SDK2: variants seen among roughly 807,000 people sequenced by gnomAD.
SDK2 encodes protein sidekick-2.
SDK2 carries 105 observed loss-of-function variants against 253.9 expected under a neutral mutation model. The ratio of observed to expected loss-of-function variants is 0.41; its 90% CI spans 0.35 to 0.49. The LOEUF is 0.49. Ranked by LOEUF, SDK2 falls within the 20% of genes least tolerant of loss-of-function variation. The pLI is 0.06. For missense variants in SDK2, 2,608 were observed against 3,003.0 expected (o/e 0.87, Z 3.07); for synonymous variants, 1,249 against 1,234.9 (o/e 1.01, Z -0.24).
chr17:73,359,724 C>A (rs1599482596), intron 39 of SDK2, among the ~76,000 whole-genome samples: 1 of 152,234 alleles, frequency 6.6e-6, no homozygotes, highest in Non-Finnish European at 1.5e-5. Context: ...CAGCTCACTG[C>A]AGCCTCCACC....
rs1209201081 is a variant in SDK2 at position 73,467,599 on chromosome 17, C to A, written c.331+4513G>T. 6.6e-6 allele frequency among the ~76,000 whole-genome samples: 1 copy of A among 152,238 alleles called. No homozygotes were observed. Among genetic ancestry groups the A allele is most frequent in the Middle Eastern group, 3.4e-3 (1 of 294 alleles). Reference sequence around the variant, plus strand: ...CAGCTTCTACAGCTAGAGAGGGAGGCCCCCTGGGATGAGGCCAGTGTGTCC... The same window carrying A: ...CAGCTTCTACAGCTAGAGAGGGAGGACCCCTGGGATGAGGCCAGTGTGTCC... On this transcript the variant is annotated intron_variant, in intron 3 of 44. Coordinates refer to ENST00000392650, the MANE Select transcript of SDK2 (RefSeq NM_001144952.2). The surrounding 1 kb of genome is among the most constrained non-coding windows in gnomAD (Gnocchi z 4.1).
At chr17:73,480,975 G>A (rs933973516) in intron 2 of SDK2, among the ~76,000 whole-genome samples, 11 of 152,232 alleles carry the variant, frequency 7.2e-5, no homozygotes, top group Admixed American at 7.2e-4. Flanking sequence ...GTGAGAGTTG[G>A]TGACAGGCAC....
intron 1 of SDK2, among the ~76,000 whole-genome samples, chr17:73,594,641 A>T (rs115468275): frequency 0.038 from 5,708 of 152,186 alleles, 124 homozygotes; most frequent in African/African-American, 0.055. Context: ...AACACACAGA[A>T]ATACACCCAT....
intron 1 of SDK2, among the ~76,000 whole-genome samples, chr17:73,530,757 G>A (rs761481592): frequency 9.2e-5 from 14 of 152,114 alleles, no homozygotes; most frequent in Admixed American, 2.0e-4. Flanking sequence ...CAAATGTCAC[G>A]GCACCATGTT....
rs573006831 is a variant in SDK2 at position 73,454,989 on chromosome 17, C to T, written c.479+917G>A. On this transcript the variant is annotated intron_variant, in intron 4 of 44. Transcript: ENST00000392650. Reference sequence around the variant, plus strand: ...AAGTGCTGGGATCACAGGTGTGAGCCGCCGCGTCCGGCCTGTGATAGTGAT... The same window carrying T: ...AAGTGCTGGGATCACAGGTGTGAGCTGCCGCGTCCGGCCTGTGATAGTGAT... 3.3e-5 allele frequency among the ~76,000 whole-genome samples: 5 copies of T among 152,254 alleles called. No homozygotes were observed. The South Asian group carries it at 8.3e-4, about 25-fold the overall frequency.
At chr17:73,371,689 G>T (rs952775839) in intron 36 of SDK2, among the ~76,000 whole-genome samples, 2 of 152,152 alleles carry the variant, frequency 1.3e-5, no homozygotes, top group African/African-American at 4.8e-5. Context: ...GCCAGGTGCG[G>T]TGGCTCACAC....
In SDK2 at chr17:73,437,862, C is replaced by G. The variant is rs774632563; in HGVS notation, c.917-40G>C. On this transcript the variant is annotated intron_variant, in intron 7 of 44. Coordinates refer to ENST00000392650, the MANE Select transcript of SDK2 (RefSeq NM_001144952.2). ...ACCAGGGGAGGGGGTCAGAGCCATG[C>G]TCGCTTTGATCCAGCCACTGTAGGG... 5 of 1,609,872 alleles carry G rather than the reference C, an allele frequency of 3.1e-6. No homozygotes were observed. In the African/African-American group the frequency reaches 5.3e-5, roughly 17 times the overall value.
intron 1 of SDK2, among the ~76,000 whole-genome samples, chr17:73,595,539 C>T (rs2045745004): frequency 6.6e-6 from 1 of 152,154 alleles, no homozygotes; most frequent in South Asian, 2.1e-4. Flanking sequence ...ACGCTGTCTC[C>T]TCCTCGCTTG....
rs77984954 is a variant in SDK2, at chr17:73,369,275, T to C, written c.4981-682A>G. 1,989 of 384,850 alleles carry C rather than the reference T, an allele frequency of 5.2e-3. 135 individuals carry two copies. In the East Asian group the frequency reaches 0.14, roughly 27 times the overall value. 23.8% of individuals were successfully genotyped at this position (384,850 alleles called of 1,614,324 possible). A position where few individuals can be genotyped will look rare whatever the true frequency, so the allele number is the denominator to read the frequency against. On this transcript the variant is annotated intron_variant, in intron 36 of 44. Coordinates refer to ENST00000392650, the MANE Select transcript of SDK2 (RefSeq NM_001144952.2). ...GTGTGGAGTCTATCCAGACAGAGTG[T>C]GGTGCAAGTGCTGGTGGCCTCATGT...
chr17:73,522,410 G>T (rs1223500180), intron 1 of SDK2, among the ~76,000 whole-genome samples: 1 of 152,236 alleles, frequency 6.6e-6, no homozygotes, highest in Non-Finnish European at 1.5e-5. Context: ...GTCTGCTGAA[G>T]GGGGGCAGTT....
At position 73,348,690 on chromosome 17, in the gene SDK2, T is replaced by C; in HGVS notation, c.6074A>G (p.Tyr2025Cys). The C allele has an allele frequency of 6.2e-7, 1 of 1,611,076 alleles. No homozygotes were observed. The highest frequency in any genetic ancestry group is 8.5e-7 in the Non-Finnish European group (1 of 1,179,662). ...GTATTTGGTGACATCCTCATCCGAGTAGTGCAGGCTGCCTGGGCTGGGCCT... is the reference window on the plus strand; with the variant it reads ...GTATTTGGTGACATCCTCATCCGAGCAGTGCAGGCTGCCTGGGCTGGGCCT... ...PPRPSPGSLHYSDEDVTKYND... is the reference protein window; with the variant it reads ...PPRPSPGSLHCSDEDVTKYND... Residue 2025 changes from tyrosine to cysteine, a missense_variant, in exon 44 of 45, where the codon TAC (tyrosine) becomes TGC (cysteine). Tyr to Cys is a radical substitution (Grantham distance 194). Transcript: ENST00000392650.
At chr17:73,603,897 G>A (rs964641978) in intron 1 of SDK2, among the ~76,000 whole-genome samples, 3 of 152,310 alleles carry the variant, frequency 2.0e-5, no homozygotes, top group Non-Finnish European at 2.9e-5. Context: ...AGAGGTCAGC[G>A]GCCACAATGA....
chr17:73,357,722 GGT>G, intron 40 of SDK2: 1 of 346,380 alleles, frequency 2.9e-6, no homozygotes, highest in Non-Finnish European at 5.3e-6. Context: ...AGGCAGCCAG[GGT>G]CTTCTTAGTT....
At position 73,453,519 on chromosome 17, in the gene SDK2, A is replaced by G. The variant is rs2063503187; in HGVS notation, c.479+2387T>C. 2.6e-5 allele frequency among the ~76,000 whole-genome samples: 4 copies of G among 152,066 alleles called. No homozygotes were observed. In the South Asian group the frequency reaches 8.3e-4, roughly 32 times the overall value. On this transcript the variant is annotated intron_variant, in intron 4 of 44. Transcript: ENST00000392650. ...CAGCCTCCTGAGCAGCTGGGACTATAGGCATGTGCCACCATCCCTGGCTAA... is the reference window on the plus strand; with the variant it reads ...CAGCCTCCTGAGCAGCTGGGACTATGGGCATGTGCCACCATCCCTGGCTAA...
At chr17:73,563,298 G>A (rs1156950414) in intron 1 of SDK2, among the ~76,000 whole-genome samples, 1 of 152,210 alleles carries the variant, frequency 6.6e-6, no homozygotes, top group Non-Finnish European at 1.5e-5. Flanking sequence ...TTCTGGCTGG[G>A]TGCAGTGACT....
rs577609887 is a variant in SDK2 at position 73,375,630 on chromosome 17, C to T, written c.4980+3547G>A. ...TCTCAGCAATTTGGGAGACCGAGGG[C>T]GGATCACCTGGGGTCAGGAGCTCGA... On this transcript the variant is annotated intron_variant, in intron 36 of 44. Transcript: ENST00000392650. 9.9e-5 allele frequency among the ~76,000 whole-genome samples: 15 copies of T among 152,176 alleles called. No individual in the cohort carries two copies. The Middle Eastern group carries it at 0.01, about 104-fold the overall frequency.
At position 73,379,388 on chromosome 17, in the gene SDK2, G is replaced by T; in HGVS notation, c.4864+60C>A. 6.5e-7 allele frequency: 1 copy of T among 1,529,452 alleles called. No individual in the cohort carries two copies. The highest frequency in any genetic ancestry group is 9.0e-7 in the Non-Finnish European group (1 of 1,116,466). 94.7% of individuals were successfully genotyped at this position (1,529,452 alleles called of 1,614,324 possible). A position where few individuals can be genotyped will look rare whatever the true frequency, so the allele number is the denominator to read the frequency against. On this transcript the variant is annotated intron_variant, in intron 35 of 44. Coordinates refer to ENST00000392650, the MANE Select transcript of SDK2 (RefSeq NM_001144952.2). The surrounding 1 kb of genome is among the most constrained non-coding windows in gnomAD (Gnocchi z 4.5). ...GGGAGCCCAGATCCCGTTTCTTCCA[G>T]CTGAACTGGGTGGGGCTGGGAAAGG...
intron 38 of SDK2, among the ~76,000 whole-genome samples, chr17:73,365,038 G>T (rs2062671973): frequency 6.6e-6 from 1 of 152,194 alleles, no homozygotes; most frequent in African/African-American, 2.4e-5. Context: ...CTGCCTGGAA[G>T]TTAGGAGACC....
rs1482134910 is a variant in SDK2, at chr17:73,483,687, ATATATATATATATATATATATTTTTT to A, written c.225-11495_225-11470del. On this transcript the variant is annotated intron_variant, in intron 2 of 44. Transcript: ENST00000392650. ...TATATATATATATATATATATTTAT[ATATATATATATATATATATATTTTTT>A]TTTTTTTTTAGTAGAGTTGGGGTTT... is the stretch of plus-strand genomic sequence containing the variant. Among the ~76,000 whole-genome samples, 89 of 68,896 alleles carry A rather than the reference ATATATATATATATATATATATTTTTT, an allele frequency of 1.3e-3. 2 individuals are homozygous for A. Among genetic ancestry groups the A allele is most frequent in the African/African-American group, 3.9e-3 (70 of 17,888 alleles). The allele number at this position is 68,896 out of a possible 152,430, so 45.2% of individuals were successfully genotyped here.
Sources: gnomAD v4.1 joint callset for allele counts (sites outside exome capture counted in the v4.1 genomes callset) on GRCh38, gnomAD v4.1.1 for gene constraint, Gnocchi (gnomAD v3.1) non-coding constraint, MANE v1.5 for transcripts, NCBI Gene and HGNC (gene_info 2026-07-23, HGNC 2026-07-21) for gene names.